Variants in GRIP1 observed in about 807,000 individuals in gnomAD.
The protein encoded by GRIP1 is glutamate receptor interacting protein 1.
A neutral mutation model predicts 129.9 loss-of-function variants in GRIP1; 45 were observed. The ratio of observed to expected loss-of-function variants is 0.35; its 90% CI spans 0.27 to 0.44. The LOEUF (loss-of-function observed/expected upper bound fraction) is 0.44, where lower values mean the gene tolerates loss of function less well. Ranked by LOEUF, GRIP1 falls within the 20% of genes least tolerant of loss-of-function variation. The probability of loss-of-function intolerance (pLI) is 1.00; values close to 1 mark genes in which losing one functional copy is unlikely to be tolerated. For synonymous variants in GRIP1, 530 were observed against 520.8 expected (o/e 1.02, Z -0.24); for missense variants, 1,196 against 1,396.8 (o/e 0.86, Z 2.29).
chr12:66,535,645 T>A (rs1168493509), intron 4 of GRIP1, among the ~76,000 whole-genome samples: 1 of 152,212 alleles, frequency 6.6e-6, no homozygotes, highest in South Asian at 2.1e-4. Context: ...TTTTATTGCC[T>A]AGTCTTGCTG....
intron 1 of GRIP1, among the ~76,000 whole-genome samples, chr12:67,051,826 G>C (rs2043350988): frequency 6.6e-6 from 1 of 152,190 alleles, no homozygotes. Context: ...TAGTTGAACT[G>C]TTGAAACAAA....
chr12:66,679,183 A>C, upstream of GRIP1: 3 of 1,328,570 alleles, frequency 2.3e-6, no homozygotes, highest in East Asian at 9.5e-5. Flanking sequence ...ATAGCAACAA[A>C]GCACCAAATT....
chr12:66,558,541 T>A lies in GRIP1; in HGVS notation c.137-16591A>T, dbSNP rs1000773474. On this transcript the variant is annotated intron_variant, in intron 2 of 24. Coordinates refer to ENST00000359742, the MANE Select transcript of GRIP1 (RefSeq NM_001366722.1). ...ATATGAGGACCATTAGAGATTACTA[T>A]GGGCAAGTATATGCCAATAAATTGG... Among the ~76,000 whole-genome samples the A allele has an allele frequency of 4.6e-5, 7 of 152,160 alleles. No homozygotes were observed. The East Asian group carries it at 1.3e-3, about 29-fold the overall frequency.
chr12:67,027,286 C>T (rs559456724), intron 1 of GRIP1, among the ~76,000 whole-genome samples: 5 of 152,338 alleles, frequency 3.3e-5, no homozygotes, highest in African/African-American at 9.6e-5. Context: ...GGCACCCACA[C>T]TGAGAGCAAC....
At chr12:66,723,304 C>CTTTTTTTT (rs57938064) in intron 1 of GRIP1, among the ~76,000 whole-genome samples, 3 of 58,430 alleles carry the variant, frequency 5.1e-5, no homozygotes, top group African/African-American at 8.5e-5. Context: ...TTCTTTCTTT[C>CTTTTTTTT]TTTTTTTTTT....
At chr12:67,015,606 A>C (rs1352551345) in intron 1 of GRIP1, among the ~76,000 whole-genome samples, 1 of 152,148 alleles carries the variant, frequency 6.6e-6, no homozygotes, top group Non-Finnish European at 1.5e-5. Flanking sequence ...GTGAGGAGGG[A>C]GGGAAAAGGA....
chr12:67,046,447 C>T (rs2043255531), intron 1 of GRIP1, among the ~76,000 whole-genome samples: 1 of 152,160 alleles, frequency 6.6e-6, no homozygotes, highest in Non-Finnish European at 1.5e-5. Flanking sequence ...ACTAGTAACA[C>T]TGACATGACT....
At chr12:66,704,369 T>C (rs1288306695) in intron 1 of GRIP1, among the ~76,000 whole-genome samples, 1 of 151,962 alleles carries the variant, frequency 6.6e-6, no homozygotes, top group Admixed American at 6.6e-5. Context: ...TTGTAAAGAA[T>C]TTTATATAAA....
intron 15 of GRIP1, among the ~76,000 whole-genome samples, chr12:66,418,001 C>G (rs2137803087): frequency 6.6e-6 from 1 of 152,130 alleles, no homozygotes; most frequent in Non-Finnish European, 1.5e-5. Context: ...GCAAAAAGAA[C>G]AAAACTGGAA....
chr12:66,767,287 C>T (rs2037670977), intron 1 of GRIP1, among the ~76,000 whole-genome samples: 1 of 152,178 alleles, frequency 6.6e-6, no homozygotes, highest in East Asian at 1.9e-4. Flanking sequence ...GATGTCTTCT[C>T]TGAGGGATGA....
intron 7 of GRIP1, among the ~76,000 whole-genome samples, chr12:66,475,637 C>T (rs1286504039): frequency 6.6e-6 from 1 of 152,108 alleles, no homozygotes; most frequent in Non-Finnish European, 1.5e-5. Flanking sequence ...TCTCTCAGAC[C>T]ACAGTGCAAT....
rs572527584 is a variant in GRIP1, at chr12:67,057,397, C to T, written c.58+11653G>A. 5.4e-5 allele frequency among the ~76,000 whole-genome samples: 8 copies of T among 149,142 alleles called. No individual in the cohort carries two copies. In the South Asian group the frequency reaches 1.7e-3, roughly 32 times the overall value. Reference sequence around the variant, plus strand: ...ACCCAAAGGTAAAGCCCTCCAGGAACCTGGCACCTTGATAATGAATTTCTA... The same window carrying T: ...ACCCAAAGGTAAAGCCCTCCAGGAATCTGGCACCTTGATAATGAATTTCTA... On this transcript the variant is annotated intron_variant, in intron 1 of 1. Coordinates refer to the GRIP1 transcript ENST00000643019.
intron 1 of GRIP1, among the ~76,000 whole-genome samples, chr12:66,771,846 A>G (rs1377982225): frequency 2.6e-5 from 4 of 152,222 alleles, no homozygotes; most frequent in African/African-American, 9.6e-5. Context: ...TCAGATCTAA[A>G]TGAGGTTACA....
intron 2 of GRIP1, among the ~76,000 whole-genome samples, chr12:66,582,349 A>G (rs920037185): frequency 7.0e-6 from 1 of 142,554 alleles, no homozygotes; most frequent in African/African-American, 2.6e-5. Context: ...CTGGCACAAG[A>G]CAGGGATGCC....
chr12:66,392,287 G>C (rs1176779491), intron 19 of GRIP1, 21 bp downstream of exon 19: 1 of 1,413,468 alleles, frequency 7.1e-7, no homozygotes, highest in East Asian at 2.3e-5. Flanking sequence ...AAGTCCTCTG[G>C]GGGACAAAGT....
intron 1 of GRIP1, among the ~76,000 whole-genome samples, chr12:67,001,699 G>A (rs140674287): frequency 1.3e-5 from 2 of 152,124 alleles, no homozygotes; most frequent in Non-Finnish European, 2.9e-5. Flanking sequence ...TGGAGTACTC[G>A]TGTATTCTCT....
intron 13 of GRIP1, among the ~76,000 whole-genome samples, chr12:66,438,293 A>G (rs963229015): frequency 3.9e-5 from 6 of 152,162 alleles, no homozygotes; most frequent in Non-Finnish European, 7.3e-5. Flanking sequence ...CAAAGATGGG[A>G]CAATTACATA....
chr12:66,810,789 G>A (rs1023145136), intron 1 of GRIP1, among the ~76,000 whole-genome samples: 1 of 151,992 alleles, frequency 6.6e-6, no homozygotes, highest in Non-Finnish European at 1.5e-5. Context: ...TCTTAATTGG[G>A]TCTCTAATTT....
chr12:66,479,421 T>C (rs968114475), intron 7 of GRIP1, among the ~76,000 whole-genome samples: 4 of 152,184 alleles, frequency 2.6e-5, no homozygotes, highest in Admixed American at 2.0e-4. Context: ...ATTGAGGCAG[T>C]AATTAATAGT....
Sources: gnomAD v4.1 joint callset for allele counts (sites outside exome capture counted in the v4.1 genomes callset) on GRCh38, gnomAD v4.1.1 for gene constraint, MANE v1.5 for transcripts, NCBI Gene and HGNC (gene_info 2026-07-23, HGNC 2026-07-21) for gene names.